ANKRD36B: variants seen among roughly 807,000 people sequenced by gnomAD.
The protein encoded by ANKRD36B is ankyrin repeat domain 36B.
A neutral mutation model predicts 135.7 loss-of-function variants in ANKRD36B; 37 were observed. The ratio of observed to expected loss-of-function variants is 0.27; its 90% CI spans 0.21 to 0.36. ANKRD36B has a LOEUF of 0.36. Ranked by LOEUF, ANKRD36B falls within the 10% of genes least tolerant of loss-of-function variation. ANKRD36B has a pLI of 1.00. For missense variants in ANKRD36B, 549 were observed against 1,037.1 expected (o/e 0.53, Z 6.46); for synonymous variants, 179 against 348.1 (o/e 0.51, Z 5.41).
rs562361244 is a variant in ANKRD36B, at chr2:97,534,054, T to G, written c.2192-1670A>C. 1.1e-3 allele frequency among the ~76,000 whole-genome samples: 81 copies of G among 74,596 alleles called. 26 individuals carry two copies. Among genetic ancestry groups the G allele is most frequent in the Non-Finnish European group, 2.3e-3 (69 of 29,522 alleles). 48.9% of individuals were successfully genotyped at this position (74,596 alleles called of 152,430 possible). ...CTGGGAGACAGAGCGAGACTCCATC[T>G]CAAAAAAAAAAAAAAAAGTGTATAA... On this transcript the variant is annotated intron_variant, in intron 34 of 43. Transcript: ENST00000359901.
At chr2:97,578,374 G>A (rs1258022469) in intron 5 of ANKRD36B, among the ~76,000 whole-genome samples, 1 of 152,008 alleles carries the variant, frequency 6.6e-6, no homozygotes, top group Admixed American at 6.6e-5. Flanking sequence ...TAAGAAAGCA[G>A]CAACAGAATC....
Position 97,525,982 on chromosome 2 carries a change from G to C in ANKRD36B, c.2266-2515C>G, listed in dbSNP as rs1296703740. Among the ~76,000 whole-genome samples the C allele has an allele frequency of 1.0e-4, 10 of 98,328 alleles. 2 individuals carry two copies. Among genetic ancestry groups the C allele is most frequent in the African/African-American group, 3.0e-4 (10 of 32,866 alleles). 64.5% of individuals were successfully genotyped at this position (98,328 alleles called of 152,430 possible). A position where few individuals can be genotyped will look rare whatever the true frequency, so the allele number is the denominator to read the frequency against. ...GCTCCACCTCTGGGGGCAGGGCACA[G>C]AGAAACAAAAAGACAGCAGTAACCT... On this transcript the variant is annotated intron_variant, in intron 35 of 43. Transcript: ENST00000359901.
In ANKRD36B at chr2:97,529,738, CA is replaced by C. The variant is rs1164826107; in HGVS notation, c.2265+2572del. On this transcript the variant is annotated intron_variant, in intron 35 of 43. Coordinates refer to ENST00000359901, the MANE Select transcript of ANKRD36B (RefSeq NM_001393939.1). ...ATACAAAATCAATGTACAAAAATCACAAGCATTCTTATACAACAATAACAGA... is the reference window on the plus strand; with the variant it reads ...ATACAAAATCAATGTACAAAAATCACAGCATTCTTATACAACAATAACAGA... Among the ~76,000 whole-genome samples the C allele has an allele frequency of 7.4e-5, 7 of 94,074 alleles. 3 individuals are homozygous for C. Among genetic ancestry groups the C allele is most frequent in the African/African-American group, 1.6e-4 (5 of 31,984 alleles). 61.7% of individuals were successfully genotyped at this position (94,074 alleles called of 152,430 possible). A position where few individuals can be genotyped will look rare whatever the true frequency, so the allele number is the denominator to read the frequency against.
intron 16 of ANKRD36B, among the ~76,000 whole-genome samples, chr2:97,552,181 T>A (rs1227215455): frequency 6.6e-6 from 1 of 151,980 alleles, no homozygotes; most frequent in Non-Finnish European, 1.5e-5. Context: ...AAATATCATC[T>A]ATTATCAATT....
In ANKRD36B at chr2:97,589,792, G is replaced by C; in HGVS notation, c.-107C>G. On this transcript the variant is annotated 5_prime_UTR_variant, in exon 1 of 44. Coordinates refer to ENST00000359901, the MANE Select transcript of ANKRD36B (RefSeq NM_001393939.1). ...CTTCGGGGATCGCCGCCTCCGAAGA[G>C]CAACAACAGGCAAAGCAGTCTGTGC... 6.5e-7 allele frequency: 1 copy of C among 1,541,938 alleles called. No homozygotes were observed. The highest frequency in any genetic ancestry group is 8.9e-7 in the Non-Finnish European group (1 of 1,126,600).
Position 97,556,907 on chromosome 2 carries a change from C to T in ANKRD36B, c.1069+30G>A, listed in dbSNP as rs747427337. ...GACGTTCTCTTCTGTCTTGAGTGCA[C>T]ATGACATTAAATGTGTATTGCCAAA... On this transcript the variant is annotated intron_variant, in intron 12 of 43. Coordinates refer to ENST00000359901, the MANE Select transcript of ANKRD36B (RefSeq NM_001393939.1). 3.1e-5 allele frequency: 49 copies of T among 1,564,622 alleles called. No individual in the cohort carries two copies. In the South Asian group the frequency reaches 5.4e-4, roughly 17 times the overall value.
chr2:97,528,385 C>T (rs577806156), intron 35 of ANKRD36B, among the ~76,000 whole-genome samples: 1 of 94,616 alleles, frequency 1.1e-5, no homozygotes, highest in South Asian at 2.5e-4. Flanking sequence ...ACCAGAATCT[C>T]TGGGACACAT....
At chr2:97,568,458 C>T (rs888993727) in intron 6 of ANKRD36B, among the ~76,000 whole-genome samples, 9 of 152,162 alleles carry the variant, frequency 5.9e-5, no homozygotes, top group African/African-American at 1.9e-4. Context: ...GATCAGTGTC[C>T]TTACTCTCAC....
chr2:97,550,901 G>A (rs955799737), intron 18 of ANKRD36B, among the ~76,000 whole-genome samples: 2 of 151,830 alleles, frequency 1.3e-5, no homozygotes, highest in Non-Finnish European at 2.9e-5. Context: ...GTGTCTATGG[G>A]TTATTATGAA....
chr2:97,580,683 G>A, intron 3 of ANKRD36B, 115 bp from the exon 4 acceptor site: 1 of 947,416 alleles, frequency 1.1e-6, no homozygotes, highest in Non-Finnish European at 1.5e-6. Context: ...GGTCGTAAGA[G>A]GTAGTCCCTT....
At chr2:97,559,032 C>A (rs534155679) in intron 8 of ANKRD36B, 38 bp from the exon 9 acceptor site, 53 of 1,601,836 alleles carry the variant, frequency 3.3e-5, no homozygotes, top group South Asian at 3.2e-4. Flanking sequence ...CTCACATGTA[C>A]ATATGATAAA....
intron 6 of ANKRD36B, among the ~76,000 whole-genome samples, chr2:97,570,910 G>A (rs1401578851): frequency 6.6e-6 from 1 of 152,140 alleles, no homozygotes; most frequent in Non-Finnish European, 1.5e-5. Flanking sequence ...CTGTGACTAC[G>A]ATCAGAAGGC....
intron 6 of ANKRD36B, among the ~76,000 whole-genome samples, chr2:97,566,433 C>T (rs2081435979): frequency 6.6e-6 from 1 of 152,080 alleles, no homozygotes; most frequent in Non-Finnish European, 1.5e-5. Context: ...CAAAGCAGTT[C>T]TTTAGAAACA....
intron 30 of ANKRD36B, among the ~76,000 whole-genome samples, chr2:97,538,650 T>C (rs1346861723): frequency 1.0e-5 from 1 of 97,018 alleles, no homozygotes; most frequent in African/African-American, 3.1e-5. Context: ...TGCTGAATGA[T>C]GAAAAGAAAT....
At chr2:97,559,197 T>A (rs1004125299) in intron 8 of ANKRD36B, among the ~76,000 whole-genome samples, 1 of 151,760 alleles carries the variant, frequency 6.6e-6, no homozygotes, top group Non-Finnish European at 1.5e-5. Flanking sequence ...AATATACCCT[T>A]ACAATTTCAA....
At chr2:97,563,606 G>C (rs1432779634) in intron 6 of ANKRD36B, among the ~76,000 whole-genome samples, 33 of 151,982 alleles carry the variant, frequency 2.2e-4, no homozygotes, top group Admixed American at 2.2e-3. Context: ...ATTCATGAAG[G>C]GGAGCCAAGA....
Position 97,578,835 on chromosome 2 carries a change from T to C in ANKRD36B, c.695+71A>G, listed in dbSNP as rs1420954961. The C allele has an allele frequency of 1.2e-5, 19 of 1,562,380 alleles. No individual in the cohort carries two copies. In the Admixed American group the frequency reaches 2.3e-4, roughly 19 times the overall value. On this transcript the variant is annotated intron_variant, in intron 5 of 43. Coordinates refer to ENST00000359901, the MANE Select transcript of ANKRD36B (RefSeq NM_001393939.1). Reference sequence around the variant, plus strand: ...AAACTATGCAATCTCACCTGATATATAAGATGCAATTGTTACAATTATTTT... The same window carrying C: ...AAACTATGCAATCTCACCTGATATACAAGATGCAATTGTTACAATTATTTT...
chr2:97,578,840 T>G, intron 5 of ANKRD36B, 66 bp downstream of exon 5: 1 of 1,573,458 alleles, frequency 6.4e-7, no homozygotes, highest in South Asian at 1.2e-5. Flanking sequence ...ATATATAAGA[T>G]GCAATTGTTA....
At chr2:97,547,492 T>C in intron 22 of ANKRD36B, 44 bp downstream of exon 22, 1 of 1,517,554 alleles carries the variant, frequency 6.6e-7, no homozygotes, top group South Asian at 1.2e-5. Flanking sequence ...GAATTTCTTA[T>C]CTACCCGGAC....
Sources: gnomAD v4.1 joint callset for allele counts (sites outside exome capture counted in the v4.1 genomes callset) on GRCh38, gnomAD v4.1.1 for gene constraint, MANE v1.5 for transcripts, NCBI Gene and HGNC (gene_info 2026-07-23, HGNC 2026-07-21) for gene names.